TDRD3: variants seen among roughly 807,000 people sequenced by gnomAD.
The protein encoded by TDRD3 is tudor domain-containing protein 3.
In TDRD3, 45 loss-of-function variants were observed where a neutral mutation model predicts 86.7. That is an observed-to-expected ratio of 0.52 (90% CI 0.41 to 0.67). TDRD3 has a LOEUF of 0.67. Ranked by LOEUF, TDRD3 falls within the 30% of genes least tolerant of loss-of-function variation. TDRD3 has a pLI of 0.00. For synonymous variants in TDRD3, 298 were observed against 301.7 expected (o/e 0.99, Z 0.13); for missense variants, 814 against 889.0 (o/e 0.92, Z 1.07).
chr13:60,480,437 A>T (rs1250398889), intron 5 of TDRD3, among the ~76,000 whole-genome samples: 1 of 151,968 alleles, frequency 6.6e-6, no homozygotes, highest in Admixed American at 6.6e-5. Flanking sequence ...TTTTGCATTG[A>T]CCTTGGAGAA....
chr13:60,483,852 G>GACT lies in TDRD3; in HGVS notation c.567+7_567+9dup. 6.2e-7 allele frequency: 1 copy of GACT among 1,611,616 alleles called. No individual in the cohort carries two copies. The highest frequency in any genetic ancestry group is 1.1e-5 in the South Asian group (1 of 90,578). On this transcript the variant is annotated splice_region_variant and intron_variant, in intron 6 of 13. Transcript: ENST00000377881. The stretch of plus-strand genomic sequence containing the variant: ...CTTTTGTGCCTTTTGGACAGGTAAT[G>GACT]ACTTTTGTGTTGGCAGATGAATTTA...
At chr13:60,427,987 A>G (rs1324978781) in intron 1 of TDRD3, among the ~76,000 whole-genome samples, 1 of 150,244 alleles carries the variant, frequency 6.7e-6, no homozygotes, top group Non-Finnish European at 1.5e-5. Flanking sequence ...TCTGAAATCA[A>G]AATGTCTTTG....
intron 12 of TDRD3, among the ~76,000 whole-genome samples, chr13:60,538,276 G>A (rs532010930): frequency 6.6e-6 from 1 of 151,852 alleles, no homozygotes; most frequent in South Asian, 2.1e-4. Context: ...CATTTATATG[G>A]CCAAAATTGT....
intron 12 of TDRD3, among the ~76,000 whole-genome samples, chr13:60,565,948 T>G (rs1185791741): frequency 6.6e-6 from 1 of 152,200 alleles, no homozygotes; most frequent in Non-Finnish European, 1.5e-5. Context: ...ATTTTGAGAT[T>G]GATTGTTAAT....
chr13:60,498,276 T>C (rs1382580736), intron 8 of TDRD3, among the ~76,000 whole-genome samples: 1 of 152,188 alleles, frequency 6.6e-6, no homozygotes, highest in Non-Finnish European at 1.5e-5. Flanking sequence ...CTTCTCTGTA[T>C]GTCAGAGCTA....
intron 1 of TDRD3, among the ~76,000 whole-genome samples, chr13:60,433,810 G>A (rs1435115160): frequency 2.6e-5 from 4 of 152,176 alleles, no homozygotes; most frequent in African/African-American, 9.7e-5. Flanking sequence ...TGTGTAGTTT[G>A]CCTTGCTCCG....
rs75684327 is a variant in TDRD3, at chr13:60,528,441, GATA to G, written c.1222_1224del (p.Asn408del). 0.18 allele frequency: 296,858 copies of G among 1,613,668 alleles called. 29,869 individuals are homozygous for G. The highest frequency in any genetic ancestry group is 0.29 in the South Asian group (26,163 of 91,052). ...AAATACTGAGCAAAATGGAGTAAAA[GATA>G]ATAATCATCTGAGACATCCTCCTCG... On this transcript the variant is annotated inframe_deletion, in exon 11 of 14. Transcript: ENST00000377881.
intron 8 of TDRD3, among the ~76,000 whole-genome samples, chr13:60,506,618 G>A (rs768536759): frequency 9.7e-4 from 147 of 152,198 alleles, no homozygotes; most frequent in Non-Finnish European, 1.5e-3. Context: ...CTAGCTGGGC[G>A]TTGTGGTGCA....
At chr13:60,491,788 T>G (rs1162065399) in intron 7 of TDRD3, among the ~76,000 whole-genome samples, 2 of 151,978 alleles carry the variant, frequency 1.3e-5, no homozygotes, top group Non-Finnish European at 2.9e-5. Flanking sequence ...CTTTAATGAT[T>G]ATTTCAGGTT....
chr13:60,543,084 T>A (rs1171499184), intron 12 of TDRD3, among the ~76,000 whole-genome samples: 1 of 152,136 alleles, frequency 6.6e-6, no homozygotes, highest in African/African-American at 2.4e-5. Flanking sequence ...GAAATAACTC[T>A]TTTAGTAGCC....
In TDRD3 at chr13:60,496,850, G is replaced by C. The variant is rs61968679; in HGVS notation, c.858+2275G>C. 7.9e-3 allele frequency among the ~76,000 whole-genome samples: 1,198 copies of C among 152,262 alleles called. 6 individuals carry two copies. The highest frequency in any genetic ancestry group is 0.014 in the Non-Finnish European group (926 of 68,030). ...TTGTTCTTAGAGCTCCCAAGATGGT[G>C]GTGGGCTGCTTCCAAGATGGCAGCA... On this transcript the variant is annotated intron_variant, in intron 8 of 13. Transcript: ENST00000377881.
At position 60,404,511 on chromosome 13, in the gene TDRD3, C is replaced by T. The variant is rs1380867466; in HGVS notation, c.41+7106C>T. Among the ~76,000 whole-genome samples, 12 of 151,774 alleles carry T rather than the reference C, an allele frequency of 7.9e-5. No homozygotes were observed. In the South Asian group the frequency reaches 1.0e-3, roughly 13 times the overall value. On this transcript the variant is annotated intron_variant, in intron 1 of 13. Coordinates refer to ENST00000377881, the MANE Select transcript of TDRD3 (RefSeq NM_001146070.2). Reference sequence around the variant, plus strand: ...ATTTTTAGTAGAGACGGGGTTTCACCGTTTTAGCCGGGATGGTCTCGATCT... The same window carrying T: ...ATTTTTAGTAGAGACGGGGTTTCACTGTTTTAGCCGGGATGGTCTCGATCT...
At chr13:60,433,830 C>G (rs538380446) in intron 1 of TDRD3, among the ~76,000 whole-genome samples, 1 of 152,294 alleles carries the variant, frequency 6.6e-6, no homozygotes, top group African/African-American at 2.4e-5. Context: ...GTTTCATTAT[C>G]TATACATTAT....
At chr13:60,556,870 C>A (rs1264586766) in intron 12 of TDRD3, among the ~76,000 whole-genome samples, 1 of 152,038 alleles carries the variant, frequency 6.6e-6, no homozygotes, top group Non-Finnish European at 1.5e-5. Flanking sequence ...TAAATAATAT[C>A]TTTCATATAG....
intron 1 of TDRD3, among the ~76,000 whole-genome samples, chr13:60,432,331 G>C (rs1323271536): frequency 6.6e-6 from 1 of 151,990 alleles, no homozygotes; most frequent in Non-Finnish European, 1.5e-5. Context: ...ATTTTTAACA[G>C]GTTATCTGAA....
chr13:60,567,715 G>A, intron 13 of TDRD3, 65 bp downstream of exon 13: 4 of 1,576,634 alleles, frequency 2.5e-6, no homozygotes, highest in African/African-American at 1.4e-5. Flanking sequence ...AAGCATATAA[G>A]TCCAATTAGT....
At chr13:60,527,074 A>G (rs1006806475) in intron 10 of TDRD3, among the ~76,000 whole-genome samples, 5 of 152,128 alleles carry the variant, frequency 3.3e-5, no homozygotes, top group African/African-American at 1.2e-4. Context: ...GCCTCAAGCA[A>G]TACACCTGCT....
At chr13:60,486,652 A>G (rs1956443667) in intron 7 of TDRD3, among the ~76,000 whole-genome samples, 1 of 152,214 alleles carries the variant, frequency 6.6e-6, no homozygotes, top group African/African-American at 2.4e-5. Context: ...TTTGAAATAT[A>G]CAATAAATTA....
chr13:60,485,449 A>C (rs1956411105), intron 6 of TDRD3, among the ~76,000 whole-genome samples: 1 of 152,094 alleles, frequency 6.6e-6, no homozygotes, highest in African/African-American at 2.4e-5. Context: ...TAATTACAAA[A>C]CCAAATTTAT....
Sources: gnomAD v4.1 joint callset for allele counts (sites outside exome capture counted in the v4.1 genomes callset) on GRCh38, gnomAD v4.1.1 for gene constraint, MANE v1.5 for transcripts, NCBI Gene and HGNC (gene_info 2026-07-23, HGNC 2026-07-21) for gene names.